Variants in GPC5 observed in about 807,000 individuals in gnomAD.
GPC5 encodes glypican-5.
A neutral mutation model predicts 53.9 loss-of-function variants in GPC5; 47 were observed. The observed-to-expected ratio is 0.87, with a 90% CI of 0.69 to 1.11. GPC5 has a LOEUF of 1.11. Ranked by LOEUF, GPC5 falls within the 50% of genes most tolerant of loss-of-function variation. GPC5 has a pLI of 0.00. For missense variants in GPC5, 748 were observed against 713.1 expected (o/e 1.05, Z -0.56); for synonymous variants, 286 against 263.3 (o/e 1.09, Z -0.84).
chr13:91,503,544 G>A (rs1209173177), intron 2 of GPC5, among the ~76,000 whole-genome samples: 7 of 151,832 alleles, frequency 4.6e-5, no homozygotes, highest in Non-Finnish European at 7.4e-5. Flanking sequence ...CATTTCGGGA[G>A]GCTGAGGCTG....
At chr13:92,290,005 G>T (rs1009337080) in intron 7 of GPC5, among the ~76,000 whole-genome samples, 9 of 152,030 alleles carry the variant, frequency 5.9e-5, no homozygotes, top group African/African-American at 2.2e-4. Context: ...AGGAAGATTG[G>T]TTTTAAAAAA....
At chr13:92,220,008 C>T (rs2042437431) in intron 7 of GPC5, among the ~76,000 whole-genome samples, 1 of 152,106 alleles carries the variant, frequency 6.6e-6, no homozygotes, top group Admixed American at 6.6e-5. Context: ...TTGTCCAATT[C>T]TTTGTTCAAG....
At chr13:92,391,707 C>A (rs1047492982) in intron 7 of GPC5, among the ~76,000 whole-genome samples, 1 of 152,050 alleles carries the variant, frequency 6.6e-6, no homozygotes, top group African/African-American at 2.4e-5. Context: ...TTATTCATGA[C>A]CTTTGCAAAT....
intron 6 of GPC5, among the ~76,000 whole-genome samples, chr13:91,970,124 C>A (rs9589384): frequency 1.3e-5 from 2 of 152,082 alleles, no homozygotes; most frequent in African/African-American, 4.8e-5. Flanking sequence ...TTTGCAACAA[C>A]ATGGATGAGC....
At chr13:92,389,350 T>G (rs1184067807) in intron 7 of GPC5, among the ~76,000 whole-genome samples, 1 of 152,118 alleles carries the variant, frequency 6.6e-6, no homozygotes, top group Admixed American at 6.6e-5. Context: ...GTGTCCTGTT[T>G]CTACTAGGAC....
chr13:91,868,522 T>C (rs1030731982), intron 5 of GPC5, among the ~76,000 whole-genome samples: 2 of 151,800 alleles, frequency 1.3e-5, no homozygotes, highest in African/African-American at 4.8e-5. Context: ...CTGGGTAATA[T>C]AGCAAAAAAC....
chr13:91,414,216 T>C (rs573087487), intron 1 of GPC5, among the ~76,000 whole-genome samples: 2 of 152,310 alleles, frequency 1.3e-5, no homozygotes, highest in South Asian at 4.1e-4. Context: ...ACCCCAGTGC[T>C]ATTCTTGTGA....
chr13:91,509,561 A>G (rs1028053593), intron 2 of GPC5, among the ~76,000 whole-genome samples: 2 of 151,764 alleles, frequency 1.3e-5, no homozygotes, highest in African/African-American at 4.8e-5. Context: ...GGAAAGCAAT[A>G]TTTCATTTTG....
At position 91,693,495 on chromosome 13, in the gene GPC5, A is replaced by C. The variant is rs767350552; in HGVS notation, c.634A>C (p.Met212Leu). The change falls in exon 3 of 8, where the codon ATG (methionine) becomes CTG (leucine). Residue 212 changes from methionine to leucine, a missense_variant. Coordinates refer to ENST00000377067, the MANE Select transcript of GPC5 (RefSeq NM_004466.6). ...SPFGNIPQRV[M>L]GQMGRSLLPS... Reference sequence around the variant, plus strand: ...ATTTGGTAATATTCCCCAAAGAGTAATGGGACAGATGGGGAGGTCCCTGCT... The same window carrying C: ...ATTTGGTAATATTCCCCAAAGAGTACTGGGACAGATGGGGAGGTCCCTGCT... The C allele has an allele frequency of 6.2e-7, 1 of 1,614,088 alleles. No individual in the cohort carries two copies. Among genetic ancestry groups the C allele is most frequent in the South Asian group, 1.1e-5 (1 of 91,078 alleles).
At chr13:91,485,572 A>T (rs1883562819) in intron 2 of GPC5, among the ~76,000 whole-genome samples, 1 of 152,168 alleles carries the variant, frequency 6.6e-6, no homozygotes. Context: ...GCATGTTGGA[A>T]CAGAAAAGAT....
chr13:92,321,116 T>C lies in GPC5; in HGVS notation c.1561+176127T>C, dbSNP rs185250132. ...GTTACTCAGGCTACCTTTTAACACA[T>C]GGTGATGGCTTGACAAGATGCCAAT... On this transcript the variant is annotated intron_variant, in intron 7 of 7. Transcript: ENST00000377067. Among the ~76,000 whole-genome samples, 64 of 152,254 alleles carry C rather than the reference T, an allele frequency of 4.2e-4. 1 individual carries two copies. Among genetic ancestry groups the C allele is most frequent in the Admixed American group, 2.6e-3 (39 of 15,280 alleles).
At chr13:91,430,981 C>G (rs1013621945) in intron 1 of GPC5, among the ~76,000 whole-genome samples, 4 of 152,078 alleles carry the variant, frequency 2.6e-5, no homozygotes, top group African/African-American at 9.7e-5. Flanking sequence ...CTCAAGCAAT[C>G]CTCTCACCTC....
intron 7 of GPC5, among the ~76,000 whole-genome samples, chr13:92,433,693 C>A (rs7989492): frequency 0.29 from 44,086 of 151,734 alleles, 7,386 homozygotes; most frequent in East Asian, 0.61. Context: ...GCAATCAGTA[C>A]ATGAATTATA....
chr13:91,498,939 C>T (rs947935596), intron 2 of GPC5, among the ~76,000 whole-genome samples: 1 of 151,200 alleles, frequency 6.6e-6, no homozygotes, highest in African/African-American at 2.4e-5. Context: ...CCACTGCACT[C>T]CAGCCTGGGG....
At chr13:91,499,850 G>T (rs928974479) in intron 2 of GPC5, among the ~76,000 whole-genome samples, 2 of 152,124 alleles carry the variant, frequency 1.3e-5, no homozygotes, top group Non-Finnish European at 1.5e-5. Context: ...ACATCATCCT[G>T]TATTGATTTA....
rs557682822 is a variant in GPC5, at chr13:91,543,459, CT to C, written c.325+94541del. On this transcript the variant is annotated intron_variant, in intron 2 of 7. Transcript: ENST00000377067. Reference sequence around the variant, plus strand: ...TTGTCTTTTATATGATTTATAATTGCTTTTGTTTTTTTCCCTTTTATTACCA... The same window carrying C: ...TTGTCTTTTATATGATTTATAATTGCTTTGTTTTTTTCCCTTTTATTACCA... Among the ~76,000 whole-genome samples the C allele has an allele frequency of 6.6e-5, 10 of 151,874 alleles. No homozygotes were observed. The South Asian group carries it at 2.1e-3, about 32-fold the overall frequency.
intron 3 of GPC5, among the ~76,000 whole-genome samples, chr13:91,725,912 G>A (rs16946643): frequency 0.042 from 6,449 of 152,168 alleles, 455 homozygotes; most frequent in African/African-American, 0.15. Flanking sequence ...ACACTGGATC[G>A]TGATTGCAGA....
intron 6 of GPC5, among the ~76,000 whole-genome samples, chr13:92,133,056 C>T (rs1469905140): frequency 2.6e-5 from 4 of 152,010 alleles, no homozygotes; most frequent in African/African-American, 9.7e-5. Flanking sequence ...TTTAAGGTCA[C>T]ACATTTAAAT....
At chr13:91,768,100 T>A (rs186317659) in intron 5 of GPC5, among the ~76,000 whole-genome samples, 1 of 152,180 alleles carries the variant, frequency 6.6e-6, no homozygotes, top group African/African-American at 2.4e-5. Flanking sequence ...TGTTTCCATA[T>A]CATAGCATAT....
Sources: gnomAD v4.1 joint callset for allele counts (sites outside exome capture counted in the v4.1 genomes callset) on GRCh38, gnomAD v4.1.1 for gene constraint, MANE v1.5 for transcripts, NCBI Gene and HGNC (gene_info 2026-07-23, HGNC 2026-07-21) for gene names.